The following STARD13 variants were observed in gnomAD, a reference collection of about 807,000 sequenced individuals.
The protein encoded by STARD13 is stAR-related lipid transfer protein 13.
In STARD13, 62 loss-of-function variants were observed where a neutral mutation model predicts 106.4. The observed-to-expected ratio is 0.58, with a 90% CI of 0.48 to 0.72. The LOEUF (loss-of-function observed/expected upper bound fraction) is 0.72, where lower values mean the gene tolerates loss of function less well. STARD13 is among the 30% of genes least tolerant of loss of function. STARD13 has a pLI of 0.00. For missense variants in STARD13, 1,387 were observed against 1,424.0 expected (o/e 0.97, Z 0.42); for synonymous variants, 565 against 553.0 (o/e 1.02, Z -0.31).
chr13:33,663,051 A>G, the STARD13 span, among the ~76,000 whole-genome samples: 40 of 152,334 alleles, frequency 2.6e-4, no homozygotes, highest in African/African-American at 9.6e-4. Context: ...CAACCTTTCT[A>G]GAAAATAATT....
intron 1 of STARD13, among the ~76,000 whole-genome samples, chr13:33,243,024 C>T (rs1297464509): frequency 6.6e-6 from 1 of 152,150 alleles, no homozygotes; most frequent in Non-Finnish European, 1.5e-5. Flanking sequence ...GAAAACACCT[C>T]TCCATCACAA....
chr13:33,620,019 T>C, the STARD13 span, among the ~76,000 whole-genome samples: 1 of 151,994 alleles, frequency 6.6e-6, no homozygotes, highest in Admixed American at 6.6e-5. Flanking sequence ...ATCGTGCCAC[T>C]ATACTCCAGC....
chr13:33,542,083 A>G, the STARD13 span, among the ~76,000 whole-genome samples: 3 of 152,230 alleles, frequency 2.0e-5, no homozygotes, highest in African/African-American at 7.2e-5. Flanking sequence ...ATCGCTTGCT[A>G]AAAAGTTTAA....
chr13:33,170,562 T>A (rs1256683703), intron 1 of STARD13, among the ~76,000 whole-genome samples: 1 of 152,226 alleles, frequency 6.6e-6, no homozygotes, highest in Admixed American at 6.5e-5. Context: ...TTGTTTGCTT[T>A]AATGGGCAGG....
At chr13:33,597,489 C>T in the STARD13 span, among the ~76,000 whole-genome samples, 1,694 of 151,942 alleles carry the variant, frequency 0.011, 36 homozygotes, top group African/African-American at 0.039. Flanking sequence ...TTTCTCATTT[C>T]ATCATACAAC....
At chr13:33,177,101 T>C (rs1884597615) in intron 1 of STARD13, among the ~76,000 whole-genome samples, 1 of 152,220 alleles carries the variant, frequency 6.6e-6, no homozygotes, top group Non-Finnish European at 1.5e-5. Context: ...CTACCTTGTC[T>C]AATATGAATA....
intron 1 of STARD13, among the ~76,000 whole-genome samples, chr13:33,306,474 A>G (rs1299089677): frequency 6.6e-6 from 1 of 152,326 alleles, no homozygotes; most frequent in East Asian, 1.9e-4. Context: ...AAAATTAACA[A>G]ATGGTATCTA....
At chr13:33,600,081 A>G in the STARD13 span, among the ~76,000 whole-genome samples, 1 of 152,236 alleles carries the variant, frequency 6.6e-6, no homozygotes, top group Non-Finnish European at 1.5e-5. Flanking sequence ...ATTAGTACTC[A>G]ATATCACGTA....
At chr13:33,113,311 C>G in intron 8 of STARD13, 1 of 367,788 alleles carries the variant, frequency 2.7e-6, no homozygotes, top group Non-Finnish European at 5.3e-6. Context: ...TCTTGCCCAT[C>G]CTCCCTGACA....
Position 33,142,292 on chromosome 13 carries a change from T to C in STARD13, c.387+18A>G. 1 of 1,602,782 alleles carries C rather than the reference T, an allele frequency of 6.2e-7. No homozygotes were observed. ...TTCACTGGCATAGCCACATTCTTAT[T>C]AAGGTGTGGGCACCTACCTTTTTCC... On this transcript the variant is annotated intron_variant, in intron 4 of 13. Coordinates refer to ENST00000336934, the MANE Select transcript of STARD13 (RefSeq NM_178006.4).
chr13:33,389,508 C>T, the STARD13 span, among the ~76,000 whole-genome samples: 3 of 152,138 alleles, frequency 2.0e-5, no homozygotes, highest in Non-Finnish European at 4.4e-5. Context: ...TCTCCATCAT[C>T]TACCATTTTC....
intron 13 of STARD13, among the ~76,000 whole-genome samples, chr13:33,106,006 C>T (rs966761809): frequency 6.6e-6 from 1 of 152,210 alleles, no homozygotes; most frequent in Non-Finnish European, 1.5e-5. Context: ...GTGAAAACTC[C>T]GTTTTGTCTA....
intron 1 of STARD13, among the ~76,000 whole-genome samples, chr13:33,227,939 G>C (rs1016989840): frequency 2.0e-5 from 3 of 152,174 alleles, no homozygotes; most frequent in Admixed American, 6.5e-5. Flanking sequence ...AAAGAGACAG[G>C]CCCTTTACAA....
At chr13:33,507,450 A>C in the STARD13 span, among the ~76,000 whole-genome samples, 3 of 152,190 alleles carry the variant, frequency 2.0e-5, no homozygotes, top group African/African-American at 7.2e-5. Flanking sequence ...TAATAAAGTA[A>C]ACATTATATT....
chr13:33,429,575 T>C, the STARD13 span, among the ~76,000 whole-genome samples: 1 of 150,992 alleles, frequency 6.6e-6, no homozygotes, highest in African/African-American at 2.4e-5. Flanking sequence ...TGGAGTACTA[T>C]TCAGCCATAA....
the STARD13 span, among the ~76,000 whole-genome samples, chr13:33,411,371 G>A: frequency 6.6e-6 from 1 of 152,152 alleles, no homozygotes; most frequent in Non-Finnish European, 1.5e-5. Context: ...TTCAGAGTCT[G>A]TTTTTAACTG....
At chr13:33,374,650 G>A in the STARD13 span, among the ~76,000 whole-genome samples, 1 of 152,148 alleles carries the variant, frequency 6.6e-6, no homozygotes, top group East Asian at 1.9e-4. Context: ...GGAGTATATA[G>A]TTGCTGGAGT....
chr13:33,421,274 A>T, the STARD13 span, among the ~76,000 whole-genome samples: 1 of 152,244 alleles, frequency 6.6e-6, no homozygotes, highest in Non-Finnish European at 1.5e-5. Flanking sequence ...ATCACCACTG[A>T]TCCCACAGAA....
At chr13:33,477,386 C>G in the STARD13 span, among the ~76,000 whole-genome samples, 1 of 152,260 alleles carries the variant, frequency 6.6e-6, no homozygotes, top group African/African-American at 2.4e-5. Context: ...CAGGATAGAC[C>G]TGGGGCAGGT....
Sources: allele counts gnomAD v4.1 joint callset (sites outside exome capture counted in the v4.1 genomes callset), GRCh38; gene constraint gnomAD v4.1.1; transcripts MANE v1.5; gene names NCBI Gene and HGNC (gene_info 2026-07-23, HGNC 2026-07-21).